TNS4: variants seen among roughly 807,000 people sequenced by gnomAD.
TNS4 encodes the protein tensin-4.
Under a neutral mutation model 70.4 loss-of-function variants are expected in TNS4, and 46 were observed. The observed-to-expected ratio is 0.65, with a 90% CI of 0.52 to 0.84. The LOEUF (loss-of-function observed/expected upper bound fraction) is 0.84, where lower values mean the gene tolerates loss of function less well. Ranked by LOEUF, TNS4 falls within the 40% of genes least tolerant of loss-of-function variation. The probability of loss-of-function intolerance (pLI) is 0.00; values close to 1 mark genes in which losing one functional copy is unlikely to be tolerated. For missense variants in TNS4, 863 were observed against 907.0 expected, an observed-to-expected ratio of 0.95 and a Z score of 0.62; for synonymous variants, 390 against 366.6, an observed-to-expected ratio of 1.06 and a Z score of -0.73.
rs147778475 is a variant in TNS4, at chr17:40,478,599, T to C, written c.1960A>G (p.Met654Val). The change falls in exon 11 of 13, where the codon ATG (methionine) becomes GTG (valine). Residue 654 changes from methionine (M) to valine (V), a missense_variant. Transcript: ENST00000254051. ...ACTTACTTCCGTTGCTCAGGGTCCA[T>C]ACCACAGAAGCGGAGGGTGGTGAGT... ...YPLTTLRFCGMDPEQRKWQKY... is the reference protein window; with the variant it reads ...YPLTTLRFCGVDPEQRKWQKY... The C allele has an allele frequency of 6.2e-7, 1 of 1,614,142 alleles. No homozygotes were observed. Among genetic ancestry groups the C allele is most frequent in the Non-Finnish European group, 8.5e-7 (1 of 1,179,992 alleles).
intron 3 of TNS4, 122 bp from the exon 4 acceptor site, chr17:40,487,582 C>A (rs2036007916): frequency 2.0e-6 from 2 of 999,062 alleles, no homozygotes; most frequent in Admixed American, 2.7e-5. Flanking sequence ...ACACTGCATA[C>A]CCCACCCCCT....
rs115341278 is a variant in TNS4 at position 40,486,836 on chromosome 17, G to A, written c.1288+200C>T. 1.9e-3 allele frequency among the ~76,000 whole-genome samples: 294 copies of A among 152,116 alleles called. 1 individual carries two copies. The highest frequency in any genetic ancestry group is 6.9e-3 in the African/African-American group (287 of 41,484). ...TGATTGAGAATATCTCTTTACCTCCGCGTTTATCCTACCCTACCGTGATGA... is the reference window on the plus strand; with the variant it reads ...TGATTGAGAATATCTCTTTACCTCCACGTTTATCCTACCCTACCGTGATGA... On this transcript the variant is annotated intron_variant, in intron 4 of 12. Transcript: ENST00000254051.
At chr17:40,493,089 C>T (rs2036097045) in intron 2 of TNS4, among the ~76,000 whole-genome samples, 2 of 152,032 alleles carry the variant, frequency 1.3e-5, no homozygotes, top group Admixed American at 1.3e-4. Context: ...ATTGCTTGAG[C>T]CCAGGCATTC....
Position 40,482,216 on chromosome 17 carries a change from A to G in TNS4, c.1595-10T>C. 6.2e-7 allele frequency: 1 copy of G among 1,614,180 alleles called. No individual in the cohort carries two copies. The highest frequency in any genetic ancestry group is 8.5e-7 in the Non-Finnish European group (1 of 1,180,022). On this transcript the variant is annotated splice_polypyrimidine_tract_variant and intron_variant, in intron 7 of 12. Transcript: ENST00000254051. ...AAGGCAGAGAGGCTCCCTGAAAGGA[A>G]GCAAGCAGCCCTGCATGAGTAGAGC...
intron 4 of TNS4, among the ~76,000 whole-genome samples, chr17:40,485,822 AC>A: frequency 6.6e-6 from 1 of 152,286 alleles, no homozygotes; most frequent in East Asian, 1.9e-4. Flanking sequence ...GTGACCACTT[AC>A]TCTCAAGTAA....
intron 1 of TNS4, among the ~76,000 whole-genome samples, chr17:40,497,097 T>G (rs1415843669): frequency 6.6e-6 from 1 of 152,118 alleles, no homozygotes; most frequent in Non-Finnish European, 1.5e-5. Flanking sequence ...CACCTGCACT[T>G]GGGCCGGTTG....
At chr17:40,485,033 C>A in intron 4 of TNS4, 26 bp from the exon 5 acceptor site, 1 of 1,607,484 alleles carries the variant, frequency 6.2e-7, no homozygotes, top group Non-Finnish European at 8.5e-7. Context: ...GAAGGGGGAC[C>A]CTGTAGGCTG....
In TNS4 at chr17:40,487,287, C is replaced by T. The variant is rs747375102; in HGVS notation, c.1037G>A (p.Arg346Lys). 17 of 1,614,096 alleles carry T rather than the reference C, an allele frequency of 1.1e-5. No homozygotes were observed. The highest frequency in any genetic ancestry group is 1.4e-5 in the Non-Finnish European group (16 of 1,180,010). The change falls in exon 4 of 13, where the codon AGA (arginine) becomes AAA (lysine). Residue 346 changes from arginine (R) to lysine (K), a missense_variant. Physicochemically the swap from Arg to Lys is conservative, Grantham distance 26. Transcript: ENST00000254051. ...RNPTLTMGQP[R>K]TPHSPPLAKE... The stretch of plus-strand genomic sequence containing the variant: ...GGCCAGTGGTGGAGAGTGGGGTGTT[C>T]TGGGTTGGCCCATGGTTAGGGTGGG...
chr17:40,482,339 C>T lies in TNS4; in HGVS notation c.1579G>A (p.Glu527Lys). The change falls in exon 7 of 13, where the codon GAG becomes AAG. Residue 527 changes from glutamate to lysine, a missense_variant. Glu to Lys is a moderately conservative substitution (Grantham distance 56). Transcript: ENST00000254051. ...AKGVHLKGAD[E>K]EPYFGSLSAF... ...GGAGTCTCACCAAAGTAGGGCTCCT[C>T]ATCTGCTCCTTTGAGATGCACTCCT... 4 of 1,614,194 alleles carry T rather than the reference C, an allele frequency of 2.5e-6. No individual in the cohort carries two copies. Among genetic ancestry groups the T allele is most frequent in the Non-Finnish European group, 3.4e-6 (4 of 1,180,044 alleles).
intron 2 of TNS4, among the ~76,000 whole-genome samples, chr17:40,492,053 A>G (rs2036077360): frequency 6.6e-6 from 1 of 152,194 alleles, no homozygotes; most frequent in African/African-American, 2.4e-5. Context: ...GCAAGTTTAA[A>G]GGAAGGCAGG....
At chr17:40,488,250 C>G (rs2036017808) in intron 3 of TNS4, among the ~76,000 whole-genome samples, 1 of 152,134 alleles carries the variant, frequency 6.6e-6, no homozygotes, top group Non-Finnish European at 1.5e-5. Context: ...TTTAAAAAAA[C>G]CTTCCTTGAG....
intron 2 of TNS4, among the ~76,000 whole-genome samples, chr17:40,493,836 C>T (rs1028044097): frequency 2.6e-5 from 4 of 152,236 alleles, no homozygotes; most frequent in African/African-American, 4.8e-5. Context: ...CATTTGAGGA[C>T]GTTCCACAGG....
rs1027466951 is a variant in TNS4 at position 40,477,420 on chromosome 17, ACTG to A, written c.*165_*167del. ...GGCCCGGGGGGTCTGGATGATGGTG[ACTG>A]CTGAAGGCCATAGCAGGTTCAAGGG... On this transcript the variant is annotated 3_prime_UTR_variant, in exon 13 of 13. Coordinates refer to ENST00000254051, the MANE Select transcript of TNS4 (RefSeq NM_032865.6). 9 of 784,678 alleles carry A rather than the reference ACTG, an allele frequency of 1.1e-5. No homozygotes were observed. Among genetic ancestry groups the A allele is most frequent in the Non-Finnish European group, 1.7e-5 (9 of 516,084 alleles). 48.6% of individuals were successfully genotyped at this position (784,678 alleles called of 1,614,324 possible).
intron 4 of TNS4, among the ~76,000 whole-genome samples, chr17:40,486,575 A>G (rs1367869662): frequency 6.6e-6 from 1 of 150,592 alleles, no homozygotes; most frequent in Non-Finnish European, 1.5e-5. Flanking sequence ...GCCTTTCACA[A>G]TCTGGTTTCA....
At chr17:40,491,209 G>A (rs1221313032) in intron 2 of TNS4, among the ~76,000 whole-genome samples, 5 of 152,172 alleles carry the variant, frequency 3.3e-5, no homozygotes, top group African/African-American at 1.2e-4. Flanking sequence ...TTTTTACAGA[G>A]GAGGAAACTG....
intron 2 of TNS4, 74 bp downstream of exon 2, chr17:40,495,913 A>T: frequency 6.7e-7 from 1 of 1,498,598 alleles, no homozygotes; most frequent in Non-Finnish European, 9.0e-7. Flanking sequence ...CCTTCTCTGT[A>T]CATAGGAAAA....
chr17:40,484,993 T>C lies in TNS4; in HGVS notation c.1303A>G (p.Met435Val). The change falls in exon 5 of 13, where the codon ATG (methionine) becomes GTG (valine). Residue 435 changes from methionine to valine, a missense_variant. Transcript: ENST00000254051. The part of the protein sequence containing the change: ...TTCPEGPARD[M>V]QPTMKFVMDT... Reference sequence around the variant, plus strand: ...ATCACGAACTTCATGGTGGGCTGCATGTCCCTGGCGGGACCTGGAGACAGA... The same window carrying C: ...ATCACGAACTTCATGGTGGGCTGCACGTCCCTGGCGGGACCTGGAGACAGA... The C allele has an allele frequency of 1.2e-6, 2 of 1,614,218 alleles. No homozygotes were observed. Among genetic ancestry groups the C allele is most frequent in the Non-Finnish European group, 1.7e-6 (2 of 1,180,040 alleles).
chr17:40,492,268 G>A (rs2036082464), intron 2 of TNS4, among the ~76,000 whole-genome samples: 1 of 152,212 alleles, frequency 6.6e-6, no homozygotes, highest in Admixed American at 6.5e-5. Context: ...CTGTGTGACT[G>A]TGAGCCATCA....
At chr17:40,501,447 C>CAAAAAAAAAAAAA (rs34765150) in intron 1 of TNS4, 87 bp downstream of exon 1, 5 of 110,890 alleles carry the variant, frequency 4.5e-5, no homozygotes, top group African/African-American at 1.4e-4. Flanking sequence ...GACTCCATCT[C>CAAAAAAAAAAAAA]AAAAAAAAAA....
Sources: allele counts gnomAD v4.1 joint callset (sites outside exome capture counted in the v4.1 genomes callset), GRCh38; gene constraint gnomAD v4.1.1; transcripts MANE v1.5; gene names NCBI Gene and HGNC (gene_info 2026-07-23, HGNC 2026-07-21).